The following HS6ST3 variants were observed in gnomAD, a reference collection of about 807,000 sequenced individuals.
HS6ST3 encodes heparan-sulfate 6-O-sulfotransferase 3.
A neutral mutation model predicts 36.7 loss-of-function variants in HS6ST3; 12 were observed. The observed-to-expected ratio is 0.33, with a 90% CI of 0.21 to 0.53. HS6ST3 has a LOEUF of 0.53. Among genes scored for constraint, HS6ST3 ranks in the 20% least tolerant of loss-of-function variants. The probability of loss-of-function intolerance (pLI) is 0.95; values close to 1 mark genes in which losing one functional copy is unlikely to be tolerated. For missense variants in HS6ST3, 584 were observed against 640.9 expected (o/e 0.91, Z 0.96); for synonymous variants, 240 against 257.5 (o/e 0.93, Z 0.65).
intron 1 of HS6ST3, among the ~76,000 whole-genome samples, chr13:96,785,905 A>C (rs1304972616): frequency 6.6e-6 from 1 of 152,212 alleles, no homozygotes; most frequent in Non-Finnish European, 1.5e-5. Context: ...AGTTAAAAGC[A>C]CTTTCTAAAG....
intron 1 of HS6ST3, among the ~76,000 whole-genome samples, chr13:96,251,636 T>C (rs775912201): frequency 6.6e-6 from 1 of 152,142 alleles, no homozygotes; most frequent in African/African-American, 2.4e-5. Flanking sequence ...TCTTGAGATA[T>C]AATGTTAGAT....
intron 1 of HS6ST3, among the ~76,000 whole-genome samples, chr13:96,709,580 G>C (rs964748516): frequency 3.9e-5 from 6 of 152,096 alleles, no homozygotes; most frequent in Non-Finnish European, 7.4e-5. Flanking sequence ...CTTGTAGGAA[G>C]AAACAAGAGA....
intron 1 of HS6ST3, among the ~76,000 whole-genome samples, chr13:96,588,049 A>G (rs920595927): frequency 2.0e-5 from 3 of 152,038 alleles, no homozygotes; most frequent in Non-Finnish European, 2.9e-5. Context: ...TCTTTTTTAG[A>G]TAGTTTGCTC....
intron 1 of HS6ST3, among the ~76,000 whole-genome samples, chr13:96,596,777 T>C (rs918577357): frequency 1.3e-5 from 2 of 152,174 alleles, no homozygotes; most frequent in African/African-American, 4.8e-5. Flanking sequence ...AGTGTGGTGA[T>C]TCCTCAAAGT....
At chr13:96,322,796 G>A (rs9556560) in intron 1 of HS6ST3, among the ~76,000 whole-genome samples, 7,816 of 152,238 alleles carry the variant, frequency 0.051, 258 homozygotes, top group East Asian at 0.12. Flanking sequence ...AATTGAAACT[G>A]TTTTGTCAAG....
intron 1 of HS6ST3, among the ~76,000 whole-genome samples, chr13:96,195,566 C>A (rs537116905): frequency 6.6e-6 from 1 of 152,256 alleles, no homozygotes; most frequent in East Asian, 1.9e-4. Flanking sequence ...GTGTGGGACT[C>A]TATTGCTTGA....
chr13:96,617,271 C>T (rs1461954080), intron 1 of HS6ST3, among the ~76,000 whole-genome samples: 1 of 152,148 alleles, frequency 6.6e-6, no homozygotes, highest in East Asian at 1.9e-4. Flanking sequence ...CCTTTAGTCT[C>T]TTAGTTTTTG....
intron 1 of HS6ST3, among the ~76,000 whole-genome samples, chr13:96,156,875 T>C (rs574478457): frequency 1.4e-4 from 21 of 152,280 alleles, no homozygotes; most frequent in African/African-American, 4.8e-4. Context: ...GAGTATAGGA[T>C]TGACATTCTC....
chr13:96,667,174 T>G (rs1368797135), intron 1 of HS6ST3, among the ~76,000 whole-genome samples: 5 of 152,204 alleles, frequency 3.3e-5, no homozygotes, highest in African/African-American at 9.6e-5. Flanking sequence ...GAATTAAAAC[T>G]ACATTTGTAA....
At chr13:96,788,779 CT>C (rs1320416249) in intron 1 of HS6ST3, among the ~76,000 whole-genome samples, 2 of 151,684 alleles carry the variant, frequency 1.3e-5, no homozygotes, top group Non-Finnish European at 3.0e-5. Flanking sequence ...ATGTAATTTC[CT>C]TTTTTATCCA....
chr13:96,688,158 T>A (rs1198683175), intron 1 of HS6ST3, among the ~76,000 whole-genome samples: 1 of 150,382 alleles, frequency 6.6e-6, no homozygotes, highest in Non-Finnish European at 1.5e-5. Context: ...ACATGGCACA[T>A]GTATACATAT....
intron 1 of HS6ST3, among the ~76,000 whole-genome samples, chr13:96,391,899 C>A (rs2055397664): frequency 6.6e-6 from 1 of 152,172 alleles, no homozygotes; most frequent in African/African-American, 2.4e-5. Flanking sequence ...ATAGCATCTA[C>A]CCTGTCTATG....
intron 1 of HS6ST3, chr13:96,573,689 GC>G: frequency 3.4e-6 from 1 of 293,404 alleles, no homozygotes; most frequent in Non-Finnish European, 6.5e-6. Context: ...AGAGCAAGAA[GC>G]CCAAATTATC....
intron 1 of HS6ST3, among the ~76,000 whole-genome samples, chr13:96,578,122 C>G (rs2138966938): frequency 6.6e-6 from 1 of 152,310 alleles, no homozygotes; most frequent in East Asian, 1.9e-4. Flanking sequence ...CCGCACATTC[C>G]CTTATCCTCC....
At chr13:96,714,740 C>A (rs566573903) in intron 1 of HS6ST3, among the ~76,000 whole-genome samples, 130 of 152,242 alleles carry the variant, frequency 8.5e-4, no homozygotes, top group African/African-American at 2.9e-3. Context: ...GCTATGTCAT[C>A]CAGACTGGAG....
intron 1 of HS6ST3, among the ~76,000 whole-genome samples, chr13:96,516,331 G>T (rs138721381): frequency 3.9e-5 from 6 of 152,048 alleles, no homozygotes; most frequent in African/African-American, 1.4e-4. Context: ...CTGGGATTAT[G>T]AGTGTGAGCC....
chr13:96,313,270 G>A (rs1031618829), intron 1 of HS6ST3, among the ~76,000 whole-genome samples: 1 of 151,402 alleles, frequency 6.6e-6, no homozygotes, highest in African/African-American at 2.4e-5. Context: ...ACTCAGCTGT[G>A]CCCTAGAACA....
chr13:96,444,213 G>C (rs1255288259), intron 1 of HS6ST3, among the ~76,000 whole-genome samples: 2 of 152,216 alleles, frequency 1.3e-5, no homozygotes, highest in Non-Finnish European at 1.5e-5. Flanking sequence ...AAATTAAAAA[G>C]AAATTCTCAA....
chr13:96,365,076 C>G (rs756891487), intron 1 of HS6ST3, among the ~76,000 whole-genome samples: 6 of 152,150 alleles, frequency 3.9e-5, no homozygotes, highest in Non-Finnish European at 7.3e-5. Flanking sequence ...TCCTTTCCCT[C>G]CAATGTGACC....
Sources: allele counts gnomAD v4.1 joint callset (sites outside exome capture counted in the v4.1 genomes callset), GRCh38; gene constraint gnomAD v4.1.1; transcripts MANE v1.5; gene names NCBI Gene and HGNC (gene_info 2026-07-23, HGNC 2026-07-21).